CTNNA2: variants seen among roughly 807,000 people sequenced by gnomAD.
The protein encoded by CTNNA2 is catenin alpha-2.
CTNNA2 carries 42 observed loss-of-function variants against 101.0 expected under a neutral mutation model. The observed-to-expected ratio is 0.42, with a 90% confidence interval of 0.32 to 0.54. The LOEUF is 0.54. CTNNA2 is among the 20% of genes least tolerant of loss of function. The pLI, the probability that CTNNA2 is intolerant of heterozygous loss-of-function variation, is 0.14. For missense variants in CTNNA2, 871 were observed against 1,223.1 expected (o/e 0.71, Z 4.29); for synonymous variants, 450 against 456.4 (o/e 0.99, Z 0.18).
At chr2:80,305,046 C>T (rs1460357375) in intron 7 of CTNNA2, 1 of 984,044 alleles carries the variant, frequency 1.0e-6, no homozygotes, top group Non-Finnish European at 1.2e-6. Context: ...TATTCTTTTC[C>T]CCTTTAAAAC....
chr2:80,495,314 G>A (rs1687364749), intron 9 of CTNNA2, among the ~76,000 whole-genome samples: 2 of 152,104 alleles, frequency 1.3e-5, no homozygotes, highest in African/African-American at 4.8e-5. Flanking sequence ...TGTGCCTTGA[G>A]AATCTACCTG....
At chr2:79,873,953 A>G (rs1682797758) in intron 5 of CTNNA2, 123 bp from the exon 6 acceptor site, 1 of 1,436,886 alleles carries the variant, frequency 7.0e-7, no homozygotes, top group Non-Finnish European at 9.2e-7. Flanking sequence ...CCTGGCAGCT[A>G]GAAACAGCAC....
intron 13 of CTNNA2, 90 bp from the exon 14 acceptor site, chr2:80,581,616 T>C (rs2149718394): frequency 1.3e-6 from 1 of 787,962 alleles, no homozygotes; most frequent in Non-Finnish European, 2.2e-6. Flanking sequence ...CTCTGTTTGC[T>C]GGGGGATATT....
chr2:80,147,096 G>A (rs969449871), intron 7 of CTNNA2, among the ~76,000 whole-genome samples: 1 of 151,922 alleles, frequency 6.6e-6, no homozygotes, highest in Non-Finnish European at 1.5e-5. Flanking sequence ...CTCCCAAGTA[G>A]CTGGGATTAC....
At chr2:80,631,387 A>C (rs1392271509) in intron 18 of CTNNA2, among the ~76,000 whole-genome samples, 1 of 146,796 alleles carries the variant, frequency 6.8e-6, no homozygotes, top group African/African-American at 2.5e-5. Context: ...TTTTAGCAAC[A>C]CTATTATGCA....
intron 7 of CTNNA2, among the ~76,000 whole-genome samples, chr2:80,105,090 C>A (rs1003139893): frequency 6.6e-6 from 1 of 152,116 alleles, no homozygotes; most frequent in Non-Finnish European, 1.5e-5. Context: ...GTAATGGGAC[C>A]GTCAGGACCA....
At chr2:79,504,315 A>C in intron 4 of CTNNA2, among the ~76,000 whole-genome samples, 1 of 152,006 alleles carries the variant, frequency 6.6e-6, no homozygotes, top group East Asian at 1.9e-4. Context: ...GTTTTGACGG[A>C]ATCTTGCTCT....
intron 7 of CTNNA2, among the ~76,000 whole-genome samples, chr2:80,318,981 A>T (rs905545188): frequency 1.3e-5 from 2 of 152,160 alleles, no homozygotes; most frequent in African/African-American, 2.4e-5. Context: ...GATAATTTTA[A>T]AAAGATAATA....
At chr2:80,421,484 C>T (rs1047142757) in intron 9 of CTNNA2, among the ~76,000 whole-genome samples, 2 of 152,258 alleles carry the variant, frequency 1.3e-5, no homozygotes, top group African/African-American at 2.4e-5. Context: ...ACTCATTCTC[C>T]TTTCTCCTGT....
At chr2:79,521,068 TTTG>T (rs1392511635) in intron 1 of CTNNA2, among the ~76,000 whole-genome samples, 1 of 128,586 alleles carries the variant, frequency 7.8e-6, no homozygotes, top group Non-Finnish European at 1.6e-5. Context: ...CAAATTCCTA[TTTG>T]AAAGTTACCC....
At chr2:79,425,203 G>A (rs944385404) in intron 4 of CTNNA2, among the ~76,000 whole-genome samples, 1 of 152,118 alleles carries the variant, frequency 6.6e-6, no homozygotes, top group African/African-American at 2.4e-5. Flanking sequence ...GCTAAGAGTG[G>A]ATGATTAGCA....
chr2:80,570,305 T>C (rs984294880), intron 12 of CTNNA2, among the ~76,000 whole-genome samples: 1 of 152,212 alleles, frequency 6.6e-6, no homozygotes, highest in South Asian at 2.1e-4. Flanking sequence ...CACCTTGGCT[T>C]CCCAAAGTGC....
intron 2 of CTNNA2, among the ~76,000 whole-genome samples, chr2:79,707,916 T>C (rs902501809): frequency 3.3e-5 from 5 of 152,214 alleles, no homozygotes; most frequent in Admixed American, 1.3e-4. Context: ...CTGTGTATCT[T>C]CTCTAAACAC....
chr2:79,449,271 T>C (rs921049667), intron 4 of CTNNA2, among the ~76,000 whole-genome samples: 1 of 151,958 alleles, frequency 6.6e-6, no homozygotes, highest in Admixed American at 6.6e-5. Flanking sequence ...TGATAAGAAA[T>C]TGAAATGTAC....
intron 7 of CTNNA2, among the ~76,000 whole-genome samples, chr2:79,951,804 C>T (rs939517443): frequency 5.3e-5 from 8 of 152,202 alleles, no homozygotes; most frequent in Non-Finnish European, 1.2e-4. Flanking sequence ...CTCCTTGAAT[C>T]GTCTTTCATT....
At chr2:79,425,993 A>G (rs1350864403) in intron 4 of CTNNA2, among the ~76,000 whole-genome samples, 1 of 152,120 alleles carries the variant, frequency 6.6e-6, no homozygotes, top group Non-Finnish European at 1.5e-5. Context: ...GATTTTGTGG[A>G]CCGGCTGTAA....
chr2:80,352,889 T>C (rs1673437710), intron 7 of CTNNA2, among the ~76,000 whole-genome samples: 1 of 151,710 alleles, frequency 6.6e-6, no homozygotes, highest in Admixed American at 6.6e-5. Flanking sequence ...TAATTTCCCA[T>C]GAATTATGTC....
chr2:80,179,652 T>C (rs1988535), intron 7 of CTNNA2, among the ~76,000 whole-genome samples: 98,968 of 152,016 alleles, frequency 0.65, 32,855 homozygotes, highest in African/African-American at 0.77. Context: ...GGATTACAGG[T>C]GTGAGCCACT....
At chr2:80,604,888 G>C (rs912234939) in intron 16 of CTNNA2, among the ~76,000 whole-genome samples, 3 of 151,950 alleles carry the variant, frequency 2.0e-5, no homozygotes, top group African/African-American at 7.2e-5. Context: ...GGCAGAAACA[G>C]GTTGCAGAAT....
Sources: gnomAD v4.1 joint callset for allele counts (sites outside exome capture counted in the v4.1 genomes callset) on GRCh38, gnomAD v4.1.1 for gene constraint, MANE v1.5 for transcripts, NCBI Gene and HGNC (gene_info 2026-07-23, HGNC 2026-07-21) for gene names.